Variants in RHOT2 observed in about 807,000 individuals in gnomAD.
The protein encoded by RHOT2 is mitochondrial Rho GTPase 2.
RHOT2 carries 90 observed loss-of-function variants against 81.6 expected under a neutral mutation model. The observed-to-expected ratio is 1.10, with a 90% CI of 0.93 to 1.31. The LOEUF is 1.31. Ranked by LOEUF, RHOT2 falls within the 40% of genes most tolerant of loss-of-function variation. The pLI is 0.00. For missense variants in RHOT2, 1,014 were observed against 841.9 expected (o/e 1.20, Z -2.53); for synonymous variants, 512 against 370.9 (o/e 1.38, Z -4.37).
chr16:668,259 C>T, intron 1 of RHOT2, 23 bp downstream of exon 1: 2 of 881,772 alleles, frequency 2.3e-6, no homozygotes, highest in Non-Finnish European at 3.1e-6. Flanking sequence ...CCGGGGGTCT[C>T]GGAGCTGCGG....
rs1259506768 is a variant in RHOT2 at position 670,049 on chromosome 16, G to A, written c.277-74G>A. On this transcript the variant is annotated intron_variant, in intron 5 of 18. Transcript: ENST00000315082. ...GACCTCCCCCTTCTGCTCTCCCCCAGCCAGGCTCATGCTCCAGCTGGGAGC... is the reference window on the plus strand; with the variant it reads ...GACCTCCCCCTTCTGCTCTCCCCCAACCAGGCTCATGCTCCAGCTGGGAGC... 1.1e-5 allele frequency: 15 copies of A among 1,411,564 alleles called. No individual in the cohort carries two copies. In the East Asian group the frequency reaches 3.5e-4, roughly 33 times the overall value. The allele number at this position is 1,411,564 out of a possible 1,614,324, so 87.4% of individuals were successfully genotyped here. A position where few individuals can be genotyped will look rare whatever the true frequency, so the allele number is the denominator to read the frequency against.
chr16:672,120 A>G lies in RHOT2; in HGVS notation c.1134A>G (p.Gly378=), dbSNP rs1285285153. The change falls in exon 14 of 19, where the codon GGA becomes GGG. Residue 378 remains glycine (G), a synonymous_variant. Transcript: ENST00000315082. The stretch of plus-strand genomic sequence containing the variant: ...ACCTGGACGTCCGGAGCTGCCTTGG[A>G]CACCTAGGCTACCTGGGCTACCCCA... ...VTYLDVRSCL[G]HLGYLGYPTL... 5 of 1,610,762 alleles carry G rather than the reference A, an allele frequency of 3.1e-6. No individual in the cohort carries two copies. Among genetic ancestry groups the G allele is most frequent in the African/African-American group, 1.3e-5 (1 of 74,246 alleles).
At position 673,471 on chromosome 16, in the gene RHOT2, C is replaced by T. The variant is rs201536375; in HGVS notation, c.1731-9C>T. On this transcript the variant is annotated splice_polypyrimidine_tract_variant and intron_variant, in intron 18 of 18. Transcript: ENST00000315082. ...TGAGGTATCTGCAGATGATTCTTCT[C>T]TCTTGCAGACATTTGGTCCACGCAG... 67 of 1,612,672 alleles carry T rather than the reference C, an allele frequency of 4.2e-5. No individual in the cohort carries two copies. The African/African-American group carries it at 6.7e-4, about 16-fold the overall frequency.
In RHOT2 at chr16:673,506, C is replaced by T. The variant is rs147973504; in HGVS notation, c.1757C>T (p.Pro586Leu). 9,339 of 1,612,648 alleles carry T rather than the reference C, an allele frequency of 5.8e-3. 40 individuals are homozygous for T. The highest frequency in any genetic ancestry group is 0.013 in the Middle Eastern group (81 of 6,044). Residue 586 changes from proline to leucine, a missense_variant, in exon 19 of 19, where the codon CCC (proline) becomes CTC (leucine). By Grantham distance (98) the Pro-to-Leu change is moderately conservative. Transcript: ENST00000315082. ...FPHLVHAELH[P>L]SSFWLRGLLG... ...CATTTGGTCCACGCAGAGCTGCATC[C>T]CTCTTCCTTCTGGCTCCGGGGGCTG...
intron 15 of RHOT2, 36 bp from the exon 16 acceptor site, chr16:672,453 T>C: frequency 6.2e-7 from 1 of 1,611,622 alleles, no homozygotes; most frequent in South Asian, 1.1e-5. Context: ...TGGGGGGCAC[T>C]GCAGCCAGCG....
chr16:670,996 G>C lies in RHOT2; in HGVS notation c.744G>C (p.Leu248=), dbSNP rs2038825973. The change falls in exon 10 of 19, where the codon CTG becomes CTC. Residue 248 remains leucine (L), a synonymous_variant. Transcript: ENST00000315082. The stretch of plus-strand genomic sequence containing the variant: ...GCGTGCGGGAGGACCGGCTGACCCT[G>C]GATGGTGAGGCCGGGTGCCCGCCTG... ...AGGVREDRLT[L]DGFLFLNTLF... 1.3e-6 allele frequency: 2 copies of C among 1,590,416 alleles called. No homozygotes were observed. The highest frequency in any genetic ancestry group is 2.7e-5 in the African/African-American group (2 of 74,550).
At chr16:671,830 A>G (rs988452795) in intron 12 of RHOT2, 30 bp from the exon 13 acceptor site, 2 of 684,714 alleles carry the variant, frequency 2.9e-6, no homozygotes, top group Non-Finnish European at 4.0e-6. Context: ...CCTCCCCGGC[A>G]CACACATCAC....
At position 670,298 on chromosome 16, in the gene RHOT2, T is replaced by C. The variant is rs1281112550; in HGVS notation, c.379T>C (p.Ser127Pro). ...GNKSDLRSGS[S>P]MEAVLPIMSQ... ...CAAGTCAGACCTGCGGTCGGGGAGCTCCATGGAGGCCGTGCTCCCCATCAT... is the reference window on the plus strand; with the variant it reads ...CAAGTCAGACCTGCGGTCGGGGAGCCCCATGGAGGCCGTGCTCCCCATCAT... The change falls in exon 7 of 19, where the codon TCC becomes CCC. Residue 127 changes from serine to proline, a missense_variant. By Grantham distance (74) the Ser-to-Pro change is moderately conservative (BLOSUM62 -1). Transcript: ENST00000315082. The C allele has an allele frequency of 1.2e-6, 2 of 1,612,584 alleles. No individual in the cohort carries two copies. The highest frequency in any genetic ancestry group is 2.7e-5 in the African/African-American group (2 of 74,882).
intron 5 of RHOT2, 163 bp downstream of exon 5, chr16:669,769 A>G (rs976567664): frequency 1.4e-6 from 1 of 710,176 alleles, no homozygotes; most frequent in Non-Finnish European, 2.4e-6. Flanking sequence ...CTGTGATCCC[A>G]CTTCCCCTGA....
rs1265794689 is a variant in RHOT2, at chr16:672,516, G to A, written c.1354G>A (p.Gly452Ser). ...CCAGGACACGAGGGAGCAGCCTCCC[G>A]GCTACGCCATCGACACGGTGCAGGT... is the stretch of plus-strand genomic sequence containing the variant. ...GHQDTREQPPGYAIDTVQVNG... is the reference protein window; with the variant it reads ...GHQDTREQPPSYAIDTVQVNG... The change falls in exon 16 of 19, where the codon GGC becomes AGC. Residue 452 changes from glycine to serine, a missense_variant. Gly to Ser is a moderately conservative substitution (Grantham distance 56). Coordinates refer to ENST00000315082, the MANE Select transcript of RHOT2 (RefSeq NM_138769.3). The A allele has an allele frequency of 9.3e-6, 15 of 1,612,626 alleles. No individual in the cohort carries two copies. Among genetic ancestry groups the A allele is most frequent in the African/African-American group, 4.0e-5 (3 of 75,064 alleles).
intron 11 of RHOT2, 52 bp downstream of exon 11, chr16:671,255 C>T (rs781011186): frequency 6.6e-7 from 1 of 1,510,230 alleles, no homozygotes; most frequent in East Asian, 2.3e-5. Context: ...CAGGAGCTGA[C>T]TGCCGACTAT....
In RHOT2 at chr16:670,725, T is replaced by C. The variant is rs1567243338; in HGVS notation, c.591T>C (p.Asp197=). Reference sequence around the variant, plus strand: ...TGACGCGCATCTTCAGGCTCTCAGATCAGGACCTGGACCAGGCGCTCAGTG... The same window carrying C: ...TGACGCGCATCTTCAGGCTCTCAGACCAGGACCTGGACCAGGCGCTCAGTG... ...QALTRIFRLS[D]QDLDQALSDE... is the part of the protein sequence containing the mutation. Residue 197 remains aspartate (D), a synonymous_variant, in exon 9 of 19, where the codon GAT becomes GAC. Transcript: ENST00000315082. 1 of 1,612,478 alleles carries C rather than the reference T, an allele frequency of 6.2e-7. No homozygotes were observed. Among genetic ancestry groups the C allele is most frequent in the African/African-American group, 1.3e-5 (1 of 75,054 alleles).
At position 670,681 on chromosome 16, in the gene RHOT2, C is replaced by G; in HGVS notation, c.547C>G (p.Pro183Ala). ...TGAGCCAACATCCCCACAGTTGAGGCCCGCGTGCGCCCAGGCGCTGACGCG... is the reference window on the plus strand; with the variant it reads ...TGAGCCAACATCCCCACAGTTGAGGGCCGCGTGCGCCCAGGCGCTGACGCG... ...LYDPEAKQLR[P>A]ACAQALTRIF... is the part of the protein sequence containing the mutation. Residue 183 changes from proline to alanine, a missense_variant, in exon 9 of 19, where the codon CCC becomes GCC. Physicochemically the swap from Pro to Ala is conservative, Grantham distance 27. Transcript: ENST00000315082. The G allele has an allele frequency of 6.2e-7, 1 of 1,612,170 alleles. No individual in the cohort carries two copies. The highest frequency in any genetic ancestry group is 8.5e-7 in the Non-Finnish European group (1 of 1,179,876).
Position 672,181 on chromosome 16 carries a change from G to T in RHOT2, c.1195G>T (p.Val399Phe), listed in dbSNP as rs770857947. Residue 399 changes from valine to phenylalanine, a missense_variant and splice_region_variant, in exon 14 of 19, where the codon GTC becomes TTC. By Grantham distance (50) the Val-to-Phe change is conservative. Coordinates refer to ENST00000315082, the MANE Select transcript of RHOT2 (RefSeq NM_138769.3). Reference sequence around the variant, plus strand: ...GCAGGACCAGGCCCATGCCATCACAGGTAGGCACCCACCCTCCCTGGGCCT... The same window carrying T: ...GCAGGACCAGGCCCATGCCATCACATGTAGGCACCCACCCTCCCTGGGCCT... Reference protein sequence around the residue: ...CEQDQAHAITVTREKRLDQEK... With the variant: ...CEQDQAHAITFTREKRLDQEK... 6.2e-7 allele frequency: 1 copy of T among 1,612,692 alleles called. No homozygotes were observed. Among genetic ancestry groups the T allele is most frequent in the South Asian group, 1.1e-5 (1 of 91,080 alleles).
In RHOT2 at chr16:670,689, C is replaced by T. The variant is rs762808144; in HGVS notation, c.555C>T (p.Cys185=). Residue 185 remains cysteine, a synonymous_variant, in exon 9 of 19, where the codon TGC becomes TGT. Transcript: ENST00000315082. ...CATCCCCACAGTTGAGGCCCGCGTGCGCCCAGGCGCTGACGCGCATCTTCA... is the reference window on the plus strand; with the variant it reads ...CATCCCCACAGTTGAGGCCCGCGTGTGCCCAGGCGCTGACGCGCATCTTCA... ...DPEAKQLRPA[C]AQALTRIFRL... is the part of the protein sequence containing the mutation. 10 of 1,612,186 alleles carry T rather than the reference C, an allele frequency of 6.2e-6. No individual in the cohort carries two copies. The highest frequency in any genetic ancestry group is 3.3e-5 in the South Asian group (3 of 91,094).
At chr16:668,762 G>C (rs774293482) in intron 4 of RHOT2, 63 bp downstream of exon 4, 5 of 1,508,496 alleles carry the variant, frequency 3.3e-6, no homozygotes, top group Non-Finnish European at 3.6e-6. Flanking sequence ...CCGCTTCGCA[G>C]CCTGGGGGAT....
At chr16:671,634 G>C in intron 11 of RHOT2, 63 bp from the exon 12 acceptor site, 1 of 1,543,632 alleles carries the variant, frequency 6.5e-7, no homozygotes, top group South Asian at 1.2e-5. Context: ...CAGGGTGACA[G>C]ATGGGCTGAG....
rs746614867 is a variant in RHOT2, at chr16:670,672, C to T, written c.541-3C>T. 6 of 1,612,064 alleles carry T rather than the reference C, an allele frequency of 3.7e-6. 1 individual carries two copies. The Admixed American group carries it at 1.0e-4, about 27-fold the overall frequency. ...TGAGGGTGCTGAGCCAACATCCCCACAGTTGAGGCCCGCGTGCGCCCAGGC... is the reference window on the plus strand; with the variant it reads ...TGAGGGTGCTGAGCCAACATCCCCATAGTTGAGGCCCGCGTGCGCCCAGGC... On this transcript the variant is annotated splice_polypyrimidine_tract_variant and splice_region_variant and intron_variant, in intron 8 of 18. Transcript: ENST00000315082.
At position 673,746 on chromosome 16, in the gene RHOT2, A is replaced by G; in HGVS notation, c.*140A>G. On this transcript the variant is annotated 3_prime_UTR_variant, in exon 19 of 19. Transcript: ENST00000315082. Reference sequence around the variant, plus strand: ...GCCGGGACTTTTTGTTTCTGAAGGCAGTCGATCTGCAGCGGGGCCTTATGC... The same window carrying G: ...GCCGGGACTTTTTGTTTCTGAAGGCGGTCGATCTGCAGCGGGGCCTTATGC... 2 of 1,074,662 alleles carry G rather than the reference A, an allele frequency of 1.9e-6. No individual in the cohort carries two copies. The highest frequency in any genetic ancestry group is 3.2e-5 in the South Asian group (2 of 61,836). 66.6% of individuals were successfully genotyped at this position (1,074,662 alleles called of 1,614,324 possible). A position where few individuals can be genotyped will look rare whatever the true frequency, so the allele number is the denominator to read the frequency against.
Sources: gnomAD v4.1 joint callset for allele counts on GRCh38, gnomAD v4.1.1 for gene constraint, MANE v1.5 for transcripts, NCBI Gene and HGNC (gene_info 2026-07-23, HGNC 2026-07-21) for gene names.